Variants in XAB2 observed in about 807,000 individuals in gnomAD.
The protein encoded by XAB2 is XPA binding protein 2.
XAB2 carries 57 observed loss-of-function variants against 113.4 expected under a neutral mutation model. The observed-to-expected ratio is 0.50, with a 90% CI of 0.41 to 0.63. The LOEUF is 0.63. Among genes scored for constraint, XAB2 ranks in the 20% least tolerant of loss-of-function variants. The pLI is 0.00. For synonymous variants in XAB2, 497 were observed against 498.8 expected (o/e 1.00, Z 0.05); for missense variants, 1,037 against 1,233.3 (o/e 0.84, Z 2.38).
Position 7,627,737 on chromosome 19 carries a change from G to A in XAB2, c.315C>T (p.Phe105=). Residue 105 remains phenylalanine (F), a synonymous_variant, in exon 3 of 19, where the codon TTC becomes TTT. Transcript: ENST00000358368. This position sits in a 1 kb window ranked among gnomAD's most constrained non-coding sequence, Gnocchi z 4.5. ...VNNCHERAFV[F]MHKMPRLWLD... is the part of the protein sequence containing the mutation. ...TCGCCGAGCCCCAAACCTTGTGCAT[G>A]AACACAAAGGCCCTCTCATGACAGT... is the stretch of plus-strand genomic sequence containing the variant. 2 of 1,613,716 alleles carry A rather than the reference G, an allele frequency of 1.2e-6. No homozygotes were observed. Among genetic ancestry groups the A allele is most frequent in the Non-Finnish European group, 1.7e-6 (2 of 1,179,858 alleles).
chr19:7,620,807 G>T, intron 14 of XAB2, 39 bp downstream of exon 14: 1 of 1,564,242 alleles, frequency 6.4e-7, no homozygotes. Context: ...CGTCTGCTCA[G>T]GGACCTCTGG....
chr19:7,623,767 G>T lies in XAB2; in HGVS notation c.1083C>A (p.His361Gln). 6.2e-7 allele frequency: 1 copy of T among 1,611,498 alleles called. No homozygotes were observed. Residue 361 changes from histidine (H) to glutamine (Q), a missense_variant, in exon 8 of 19, where the codon CAC (histidine) becomes CAA (glutamine). His to Gln is a conservative substitution (Grantham distance 24, BLOSUM62 0). Transcript: ENST00000358368. This position sits in a 1 kb window ranked among gnomAD's most constrained non-coding sequence, Gnocchi z 4.6. ...GGCCCTGGTGCAGGGCGACACGCTT[G>T]TGCCACTCGTGCACGTGGTGTGGGT... is the stretch of plus-strand genomic sequence containing the variant. ...RQNPHHVHEW[H>Q]KRVALHQGRP...
At chr19:7,629,435 A>G (rs1184367089) in intron 1 of XAB2, 42 bp downstream of exon 1, 1 of 1,568,464 alleles carries the variant, frequency 6.4e-7, no homozygotes, top group Admixed American at 1.9e-5. Flanking sequence ...CCAGGTCCCA[A>G]TGCCCCAACG....
In XAB2 at chr19:7,619,642, G is replaced by T; in HGVS notation, c.2512C>A (p.Arg838=). 1 of 1,603,874 alleles carries T rather than the reference G, an allele frequency of 6.2e-7. No individual in the cohort carries two copies. The highest frequency in any genetic ancestry group is 8.5e-7 in the Non-Finnish European group (1 of 1,174,460). The stretch of plus-strand genomic sequence containing the variant: ...GCTGGCACGCTCTGCTGCTCCAGCC[G>T]AACCTCTGTGGGGAAGGCGGGAGCC... ...DEMDLEPNEV[R]LEQQSVPAAV... is the part of the protein sequence containing the mutation. Residue 838 remains arginine, a synonymous_variant, in exon 19 of 19, where the codon CGG becomes AGG. Coordinates refer to ENST00000358368, the MANE Select transcript of XAB2 (RefSeq NM_020196.3).
Position 7,620,402 on chromosome 19 carries a change from C to T in XAB2, c.2139G>A (p.Arg713=). The stretch of plus-strand genomic sequence containing the variant: ...CCTTGATGGTGTCCTCATTGCCATG[C>T]CGGACCTCAAAGTCCTTCCACGTCT... ...FWQTWKDFEV[R]HGNEDTIKEM... Residue 713 remains arginine (R), a synonymous_variant, in exon 16 of 19, where the codon CGG becomes CGA. Transcript: ENST00000358368. The T allele has an allele frequency of 6.2e-7, 1 of 1,611,620 alleles. No individual in the cohort carries two copies.
At position 7,627,087 on chromosome 19, in the gene XAB2, T is replaced by G; in HGVS notation, c.522+156A>C. On this transcript the variant is annotated intron_variant, in intron 4 of 18. Coordinates refer to ENST00000358368, the MANE Select transcript of XAB2 (RefSeq NM_020196.3). This position sits in a 1 kb window ranked among gnomAD's most constrained non-coding sequence, Gnocchi z 4.5. ...CAGTGTGAACAAACTATTTGGAAAA[T>G]AAAGACATGAATCACGGACAACAAC... 6.6e-6 allele frequency among the ~76,000 whole-genome samples: 1 copy of G among 152,100 alleles called. No individual in the cohort carries two copies. The highest frequency in any genetic ancestry group is 1.9e-4 in the East Asian group (1 of 5,200).
Position 7,627,893 on chromosome 19 carries a change from T to G in XAB2, c.201-42A>C, listed in dbSNP as rs776693001. The G allele has an allele frequency of 5.6e-6, 9 of 1,597,182 alleles. No individual in the cohort carries two copies. Among genetic ancestry groups the G allele is most frequent in the African/African-American group, 2.7e-5 (2 of 74,678 alleles). ...GACAGATGCTGATCGGTCAGCTTTA[T>G]GGACACCCCCAGAACCATTTGCCCT... On this transcript the variant is annotated intron_variant, in intron 2 of 18. Transcript: ENST00000358368. The surrounding 1 kb of genome is among the most constrained non-coding windows in gnomAD (Gnocchi z 4.5).
chr19:7,627,333 C>T lies in XAB2; in HGVS notation c.432G>A (p.Gln144=), dbSNP rs1226957021. 3 of 1,613,630 alleles carry T rather than the reference C, an allele frequency of 1.9e-6. No individual in the cohort carries two copies. The highest frequency in any genetic ancestry group is 2.7e-5 in the African/African-American group (2 of 74,950). The change falls in exon 4 of 19, where the codon CAG becomes CAA. Residue 144 remains glutamine, a synonymous_variant. Coordinates refer to ENST00000358368, the MANE Select transcript of XAB2 (RefSeq NM_020196.3). This position sits in a 1 kb window ranked among gnomAD's most constrained non-coding sequence, Gnocchi z 4.5. ...GATACAGGGGCCAAATTCGAGAGTG[C>T]TGCGTGATGGGCAGTGCCCGGAGGG... The part of the protein sequence containing the change: ...DRALRALPIT[Q]HSRIWPLYLR...
chr19:7,622,881 G>C lies in XAB2; in HGVS notation c.1252C>G (p.Leu418Val). ...NGQLDDARVI[L>V]EKATKVNFKQ... ...AAGTTCACCTTGGTGGCCTTCTCCA[G>C]GATGACACGGGCCTGCCGGGGCGGG... is the stretch of plus-strand genomic sequence containing the variant. The change falls in exon 10 of 19, where the codon CTG becomes GTG. Residue 418 changes from leucine to valine, a missense_variant. Transcript: ENST00000358368. 6.2e-7 allele frequency: 1 copy of C among 1,613,648 alleles called. No individual in the cohort carries two copies. The highest frequency in any genetic ancestry group is 8.5e-7 in the Non-Finnish European group (1 of 1,179,898).
rs751725499 is a variant in XAB2 at position 7,628,099 on chromosome 19, G to A, written c.200+51C>T. On this transcript the variant is annotated intron_variant, in intron 2 of 18. Coordinates refer to ENST00000358368, the MANE Select transcript of XAB2 (RefSeq NM_020196.3). The surrounding 1 kb of genome is among the most constrained non-coding windows in gnomAD (Gnocchi z 4.6). ...CCCACTTGGCAGTTTTGTTATAACT[G>A]GACCAGGTGGGGTGGGGGCTGGTGG... is the stretch of plus-strand genomic sequence containing the variant. The A allele has an allele frequency of 1.3e-6, 2 of 1,581,542 alleles. No homozygotes were observed. The highest frequency in any genetic ancestry group is 1.7e-6 in the Non-Finnish European group (2 of 1,163,860).
chr19:7,620,896 C>T lies in XAB2; in HGVS notation c.1921G>A (p.Glu641Lys), dbSNP rs372715698. The T allele has an allele frequency of 8.1e-6, 13 of 1,602,426 alleles. No homozygotes were observed. Among genetic ancestry groups the T allele is most frequent in the Non-Finnish European group, 1.1e-5 (13 of 1,175,240 alleles). Residue 641 changes from glutamate (E) to lysine (K), a missense_variant, in exon 14 of 19, where the codon GAG (glutamate) becomes AAG (lysine). Glu to Lys is a moderately conservative substitution (Grantham distance 56). Transcript: ENST00000358368. ...MFNIYIKRAA[E>K]IYGVTHTRGI... Reference sequence around the variant, plus strand: ...CGGGTGTGGGTGACCCCATAGATCTCGGCCGCCCGCTTGATGTAGATGTTG... The same window carrying T: ...CGGGTGTGGGTGACCCCATAGATCTTGGCCGCCCGCTTGATGTAGATGTTG...
In XAB2 at chr19:7,627,373, C is replaced by T; in HGVS notation, c.392G>A (p.Arg131His). The T allele has an allele frequency of 2.5e-6, 4 of 1,610,848 alleles. No homozygotes were observed. The highest frequency in any genetic ancestry group is 2.2e-5 in the South Asian group (2 of 90,792). Residue 131 changes from arginine to histidine, a missense_variant, in exon 4 of 19, where the codon CGC (arginine) becomes CAC (histidine). Arg to His is a conservative substitution (Grantham distance 29, BLOSUM62 0). Transcript: ENST00000358368. This position sits in a 1 kb window ranked among gnomAD's most constrained non-coding sequence, Gnocchi z 4.5. ...MDQGRVTHTR[R>H]TFDRALRALP... ...TGCCCGGAGGGCACGGTCGAAGGTG[C>T]GGCGGGTGTGTGTGACGCGCCCCTG...
At position 7,624,691 on chromosome 19, in the gene XAB2, GCA is replaced by G. The variant is rs2031103476; in HGVS notation, c.823-248_823-247del. Among the ~76,000 whole-genome samples, 1 of 152,162 alleles carries G rather than the reference GCA, an allele frequency of 6.6e-6. No homozygotes were observed. The highest frequency in any genetic ancestry group is 1.5e-5 in the Non-Finnish European group (1 of 68,028). ...TCAGTAAACTGGGTGACTGCCCTTT[GCA>G]CACAGTGACCTCAGGGCTCGACTGA... On this transcript the variant is annotated intron_variant, in intron 6 of 18. Coordinates refer to ENST00000358368, the MANE Select transcript of XAB2 (RefSeq NM_020196.3). The surrounding 1 kb of genome is among the most constrained non-coding windows in gnomAD (Gnocchi z 4.2).
intron 12 of XAB2, 140 bp from the exon 13 acceptor site, chr19:7,621,437 A>G (rs1290032755): frequency 7.7e-6 from 7 of 906,386 alleles, no homozygotes; most frequent in Non-Finnish European, 1.0e-5. Flanking sequence ...CCCTGTCCCT[A>G]ATGGCAGTTG....
Position 7,627,659 on chromosome 19 carries a change from G to GT in XAB2, c.324+68dup. The GT allele has an allele frequency of 3.2e-6, 5 of 1,565,580 alleles. No individual in the cohort carries two copies. The highest frequency in any genetic ancestry group is 3.5e-6 in the Non-Finnish European group (4 of 1,141,782). On this transcript the variant is annotated intron_variant, in intron 3 of 18. Coordinates refer to ENST00000358368, the MANE Select transcript of XAB2 (RefSeq NM_020196.3). This position sits in a 1 kb window ranked among gnomAD's most constrained non-coding sequence, Gnocchi z 4.5. ...CCCTAACATGCTGAGCCCAGCCCCT[G>GT]TCCCCGCCCCACCCACCACCATGGA...
intron 12 of XAB2, 120 bp downstream of exon 12, chr19:7,622,207 GTTGT>G: frequency 1.1e-6 from 1 of 927,192 alleles, no homozygotes; most frequent in Non-Finnish European, 1.7e-6. Flanking sequence ...CTAAATCTTT[GTTGT>G]TTAAGTCACC....
In XAB2 at chr19:7,624,212, C is replaced by T. The variant is rs888181309; in HGVS notation, c.967+89G>A. The stretch of plus-strand genomic sequence containing the variant: ...CCTGCTGGCCCCCAGCTGAGCCTCC[C>T]AGGGCTGCCTCACCTGAGATGTGTC... On this transcript the variant is annotated intron_variant, in intron 7 of 18. Coordinates refer to ENST00000358368, the MANE Select transcript of XAB2 (RefSeq NM_020196.3). This position sits in a 1 kb window ranked among gnomAD's most constrained non-coding sequence, Gnocchi z 4.2. The T allele has an allele frequency of 6.3e-7, 1 of 1,585,310 alleles. No homozygotes were observed. The highest frequency in any genetic ancestry group is 8.5e-7 in the Non-Finnish European group (1 of 1,170,290).
rs780766793 is a variant in XAB2 at position 7,627,255 on chromosome 19, C to A, written c.510G>T (p.Arg170=). The change falls in exon 4 of 19, where the codon CGG becomes CGT. Residue 170 remains arginine, a synonymous_variant. Transcript: ENST00000358368. The surrounding 1 kb of genome is among the most constrained non-coding windows in gnomAD (Gnocchi z 4.5). ...PLPETAVRGY[R]RFLKLSPESA... is the part of the protein sequence containing the mutation. ...CTGCTAGGCTCACCTTGAGGAAGCG[C>A]CGATAGCCTCGCACAGCTGTCTCAG... The A allele has an allele frequency of 6.2e-7, 1 of 1,612,832 alleles. No homozygotes were observed. Among genetic ancestry groups the A allele is most frequent in the Non-Finnish European group, 8.5e-7 (1 of 1,179,990 alleles).
At position 7,623,598 on chromosome 19, in the gene XAB2, G is replaced by T; in HGVS notation, c.1119+133C>A. ...GGCTCGGGCAGGAGGAGAACCCCAA[G>T]AACAGGGGTGGAATTGGACCTACTA... On this transcript the variant is annotated intron_variant, in intron 8 of 18. Transcript: ENST00000358368. The surrounding 1 kb of genome is among the most constrained non-coding windows in gnomAD (Gnocchi z 4.6). 1 of 1,295,370 alleles carries T rather than the reference G, an allele frequency of 7.7e-7. No individual in the cohort carries two copies. Among genetic ancestry groups the T allele is most frequent in the Non-Finnish European group, 1.1e-6 (1 of 951,742 alleles). 80.2% of individuals were successfully genotyped at this position (1,295,370 alleles called of 1,614,324 possible). A position where few individuals can be genotyped will look rare whatever the true frequency, so the allele number is the denominator to read the frequency against.
Sources: gnomAD v4.1 joint callset for allele counts (sites outside exome capture counted in the v4.1 genomes callset) on GRCh38, gnomAD v4.1.1 for gene constraint, Gnocchi (gnomAD v3.1) non-coding constraint, MANE v1.5 for transcripts, NCBI Gene and HGNC (gene_info 2026-07-23, HGNC 2026-07-21) for gene names.